The following CACNA1D variants were observed in gnomAD, a reference collection of about 807,000 sequenced individuals.
CACNA1D encodes calcium voltage-gated channel subunit alpha1 D.
Under a neutral mutation model 257.1 loss-of-function variants are expected in CACNA1D, and 55 were observed. The observed-to-expected ratio is 0.21, with a 90% CI of 0.17 to 0.27. The LOEUF (loss-of-function observed/expected upper bound fraction) is 0.27, where lower values mean the gene tolerates loss of function less well. Among genes scored for constraint, CACNA1D ranks in the 10% least tolerant of loss-of-function variants. The pLI is 1.00. For missense variants in CACNA1D, 1,876 were observed against 2,784.0 expected, an observed-to-expected ratio of 0.67 and a Z score of 7.34; for synonymous variants, 980 against 1,014.9, an observed-to-expected ratio of 0.97 and a Z score of 0.65.
intron 3 of CACNA1D, among the ~76,000 whole-genome samples, chr3:53,537,917 A>G (rs942887921): frequency 7.2e-5 from 11 of 152,054 alleles, no homozygotes; most frequent in African/African-American, 2.7e-4. Context: ...TTTTATTACT[A>G]TTTTTTAGCT....
At chr3:53,656,951 C>T (rs77675928) in intron 4 of CACNA1D, among the ~76,000 whole-genome samples, 7,325 of 152,226 alleles carry the variant, frequency 0.048, 583 homozygotes, top group African/African-American at 0.17. Context: ...TCATACACCA[C>T]TTGTAGAAAT....
chr3:53,658,289 T>C (rs972296393), intron 4 of CACNA1D, among the ~76,000 whole-genome samples: 23 of 152,042 alleles, frequency 1.5e-4, no homozygotes, highest in Admixed American at 1.4e-3. Context: ...AGTTTTGTCA[T>C]TTTATAGAGA....
At chr3:53,710,835 T>C (rs1445971579) in intron 9 of CACNA1D, among the ~76,000 whole-genome samples, 2 of 151,938 alleles carry the variant, frequency 1.3e-5, no homozygotes, top group South Asian at 2.1e-4. Flanking sequence ...GTTATTTGAT[T>C]GATTTTTTTT....
At chr3:53,558,604 C>T (rs533249290) in intron 3 of CACNA1D, among the ~76,000 whole-genome samples, 3 of 152,122 alleles carry the variant, frequency 2.0e-5, no homozygotes, top group Non-Finnish European at 4.4e-5. Context: ...GTTCTTTCAC[C>T]TGCATTTCAA....
At chr3:53,606,810 A>G (rs1306772348) in intron 3 of CACNA1D, among the ~76,000 whole-genome samples, 1 of 152,248 alleles carries the variant, frequency 6.6e-6, no homozygotes, top group African/African-American at 2.4e-5. Flanking sequence ...CTTGTGCCCT[A>G]TCTAGTCAGT....
intron 3 of CACNA1D, among the ~76,000 whole-genome samples, chr3:53,565,728 C>T (rs999926370): frequency 6.6e-6 from 1 of 152,208 alleles, no homozygotes; most frequent in Non-Finnish European, 1.5e-5. Context: ...CAAGATAATG[C>T]ATCTTCTATG....
At chr3:53,682,374 A>AAAAAAAAAC (rs2094438760) in intron 8 of CACNA1D, among the ~76,000 whole-genome samples, 3 of 89,364 alleles carry the variant, frequency 3.4e-5, no homozygotes, top group Non-Finnish European at 7.0e-5. Context: ...GTAAAAAAAA[A>AAAAAAAAAC]AAAAAAAAAA....
At chr3:53,768,532 A>C (rs1414326524) in intron 30 of CACNA1D, among the ~76,000 whole-genome samples, 4 of 152,188 alleles carry the variant, frequency 2.6e-5, no homozygotes, top group Admixed American at 6.5e-5. Flanking sequence ...CCCTTTAAGG[A>C]GCTGATATTT....
At chr3:53,515,181 A>T (rs2091283162) in intron 3 of CACNA1D, among the ~76,000 whole-genome samples, 1 of 152,134 alleles carries the variant, frequency 6.6e-6, no homozygotes, top group South Asian at 2.1e-4. Context: ...ACTACCCACA[A>T]GGCTTGGTGG....
At chr3:53,596,515 T>C (rs1193040714) in intron 3 of CACNA1D, among the ~76,000 whole-genome samples, 1 of 152,190 alleles carries the variant, frequency 6.6e-6, no homozygotes, top group African/African-American at 2.4e-5. Context: ...GTTGCAGATG[T>C]GATTAACTTC....
chr3:53,717,963 C>G lies in CACNA1D; in HGVS notation c.1391-338C>G, dbSNP rs72975500. Among the ~76,000 whole-genome samples the G allele has an allele frequency of 3.4e-4, 52 of 152,314 alleles. 1 individual carries two copies. The highest frequency in any genetic ancestry group is 9.6e-4 in the African/African-American group (40 of 41,576). Reference sequence around the variant, plus strand: ...TGTAAAGTACATTTTGGTGGCTTCTCAGTGTGATCCCAGAGATGAGGAGGA... The same window carrying G: ...TGTAAAGTACATTTTGGTGGCTTCTGAGTGTGATCCCAGAGATGAGGAGGA... On this transcript the variant is annotated intron_variant, in intron 9 of 47. Coordinates refer to ENST00000350061, the MANE Select transcript of CACNA1D (RefSeq NM_001128840.3).
intron 3 of CACNA1D, among the ~76,000 whole-genome samples, chr3:53,646,803 G>T (rs1302178146): frequency 2.6e-5 from 4 of 152,218 alleles, no homozygotes; most frequent in Admixed American, 6.5e-5. Flanking sequence ...GAAGGATGCA[G>T]GTGCTCGGGG....
chr3:53,691,914 A>AATATATATT (rs1410964611), intron 8 of CACNA1D, among the ~76,000 whole-genome samples: 2 of 50,320 alleles, frequency 4.0e-5, no homozygotes, highest in Non-Finnish European at 7.9e-5. Flanking sequence ...TATTATATAT[A>AATATATATT]ATATATATTA....
chr3:53,566,727 G>A (rs1038980687), intron 3 of CACNA1D, among the ~76,000 whole-genome samples: 9 of 152,228 alleles, frequency 5.9e-5, no homozygotes, highest in South Asian at 2.1e-4. Context: ...GAGCAGGCCC[G>A]TGCCCCACCA....
intron 39 of CACNA1D, chr3:53,781,997 T>G (rs1405644221): frequency 3.8e-5 from 11 of 288,138 alleles, no homozygotes; most frequent in Non-Finnish European, 7.2e-5. Context: ...AATGAAATAT[T>G]CAAAACTAGT....
intron 27 of CACNA1D, 23 bp downstream of exon 27, chr3:53,749,492 G>A: frequency 6.4e-7 from 1 of 1,565,808 alleles, no homozygotes; most frequent in Non-Finnish European, 8.8e-7. Flanking sequence ...CACTGTTTTG[G>A]CTTCTGTCCC....
chr3:53,641,681 C>G (rs1350028155), intron 3 of CACNA1D, among the ~76,000 whole-genome samples: 8 of 152,166 alleles, frequency 5.3e-5, no homozygotes, highest in Admixed American at 1.3e-4. Flanking sequence ...GAAGGCAAGT[C>G]TGAAGCGTCA....
intron 3 of CACNA1D, among the ~76,000 whole-genome samples, chr3:53,541,245 C>A (rs1350698720): frequency 4.6e-5 from 7 of 152,094 alleles, no homozygotes; most frequent in African/African-American, 1.7e-4. Flanking sequence ...TGTAAAATAG[C>A]AGTTCATACA....
At chr3:53,643,906 G>A (rs935305623) in intron 3 of CACNA1D, among the ~76,000 whole-genome samples, 2 of 152,232 alleles carry the variant, frequency 1.3e-5, no homozygotes, top group Non-Finnish European at 2.9e-5. Flanking sequence ...TGATGAGGGA[G>A]CAGGTGGCTG....
Sources: allele counts gnomAD v4.1 joint callset (sites outside exome capture counted in the v4.1 genomes callset), GRCh38; gene constraint gnomAD v4.1.1; transcripts MANE v1.5; gene names NCBI Gene and HGNC (gene_info 2026-07-23, HGNC 2026-07-21).